Variants in CSMD1 observed in about 807,000 individuals in gnomAD.
The protein encoded by CSMD1 is CUB and Sushi multiple domains 1, also known as CUB and sushi domain-containing protein 1.
A neutral mutation model predicts 417.5 loss-of-function variants in CSMD1; 213 were observed. The ratio of observed to expected loss-of-function variants is 0.51; its 90% CI spans 0.46 to 0.57. The LOEUF (loss-of-function observed/expected upper bound fraction) is 0.57. Among genes scored for constraint, CSMD1 ranks in the 20% least tolerant of loss-of-function variants. CSMD1 has a pLI of 0.00. For synonymous variants in CSMD1, 2,862 were observed against 1,736.8 expected, an observed-to-expected ratio of 1.65 and a Z score of -16.11; for missense variants, 6,923 against 4,529.7, an observed-to-expected ratio of 1.53 and a Z score of -15.17.
At chr8:4,551,004 T>C (rs965417619) in intron 2 of CSMD1, among the ~76,000 whole-genome samples, 1 of 152,190 alleles carries the variant, frequency 6.6e-6, no homozygotes, top group Non-Finnish European at 1.5e-5. Context: ...CCCAAATTAA[T>C]ATCAGGATTT....
intron 1 of CSMD1, among the ~76,000 whole-genome samples, chr8:4,652,600 C>T (rs1425805047): frequency 3.3e-5 from 5 of 151,714 alleles, no homozygotes; most frequent in Admixed American, 6.6e-5. Flanking sequence ...TGCAGTGGGC[C>T]GAGATCAAGC....
chr8:4,630,070 A>G (rs1163022597), intron 2 of CSMD1, among the ~76,000 whole-genome samples: 1 of 152,178 alleles, frequency 6.6e-6, no homozygotes, highest in East Asian at 1.9e-4. Flanking sequence ...GAAGTGAACC[A>G]TCCGTTTTTA....
At chr8:3,942,343 C>T (rs1810939303) in intron 5 of CSMD1, among the ~76,000 whole-genome samples, 1 of 152,140 alleles carries the variant, frequency 6.6e-6, no homozygotes, top group South Asian at 2.1e-4. Flanking sequence ...AAACTGGTGT[C>T]AGGCGCCAAA....
chr8:4,659,910 C>G (rs1322574033), intron 1 of CSMD1, among the ~76,000 whole-genome samples: 4 of 151,794 alleles, frequency 2.6e-5, no homozygotes, highest in African/African-American at 9.7e-5. Flanking sequence ...ATGCATGTGA[C>G]ATAATTCAAC....
intron 3 of CSMD1, among the ~76,000 whole-genome samples, chr8:4,217,408 T>A (rs1013596231): frequency 6.6e-6 from 1 of 152,126 alleles, no homozygotes; most frequent in East Asian, 1.9e-4. Context: ...TCTAATATAG[T>A]TTGACACATT....
intron 25 of CSMD1, among the ~76,000 whole-genome samples, chr8:3,300,952 C>T (rs1291118484): frequency 5.1e-5 from 4 of 78,656 alleles, no homozygotes; most frequent in Non-Finnish European, 8.8e-5. Flanking sequence ...GAGTGAGACT[C>T]TGTCTCAAAA....
intron 1 of CSMD1, among the ~76,000 whole-genome samples, chr8:4,716,727 T>C (rs1024673710): frequency 2.0e-5 from 3 of 152,188 alleles, no homozygotes; most frequent in East Asian, 3.9e-4. Context: ...TTTTGTAGTC[T>C]TGTGAGAATT....
chr8:4,342,086 G>T (rs572470552), intron 3 of CSMD1, among the ~76,000 whole-genome samples: 2 of 152,186 alleles, frequency 1.3e-5, no homozygotes, highest in South Asian at 4.1e-4. Context: ...AGTAGCGCAA[G>T]CCATCTCTAT....
chr8:4,398,832 G>T (rs918861327), intron 3 of CSMD1, among the ~76,000 whole-genome samples: 1 of 152,018 alleles, frequency 6.6e-6, no homozygotes, highest in South Asian at 2.1e-4. Context: ...TTCTTTTCAA[G>T]GTCTTTTTAT....
At chr8:4,780,452 C>G (rs1476305300) in intron 1 of CSMD1, among the ~76,000 whole-genome samples, 1 of 152,186 alleles carries the variant, frequency 6.6e-6, no homozygotes, top group Non-Finnish European at 1.5e-5. Flanking sequence ...TACCTACCTA[C>G]CTATCATCTC....
chr8:3,470,715 A>G (rs1260716126), intron 11 of CSMD1, among the ~76,000 whole-genome samples: 1 of 152,106 alleles, frequency 6.6e-6, no homozygotes, highest in Non-Finnish European at 1.5e-5. Flanking sequence ...CCTGGCAACC[A>G]CTAATCAGTA....
intron 5 of CSMD1, among the ~76,000 whole-genome samples, chr8:3,777,224 T>C (rs1282913803): frequency 1.3e-5 from 2 of 151,984 alleles, no homozygotes; most frequent in African/African-American, 2.4e-5. Flanking sequence ...CCTTCTCCTA[T>C]AGAACATGAG....
intron 23 of CSMD1, among the ~76,000 whole-genome samples, chr8:3,332,436 G>T (rs1047957679): frequency 2.0e-5 from 3 of 152,232 alleles, no homozygotes; most frequent in African/African-American, 7.2e-5. Context: ...GGAGGGGCCT[G>T]GAAGGCCAAC....
intron 9 of CSMD1, among the ~76,000 whole-genome samples, chr8:3,578,920 A>G (rs1800264524): frequency 6.6e-6 from 1 of 152,248 alleles, no homozygotes; most frequent in Non-Finnish European, 1.5e-5. Context: ...GTAAGTTGCC[A>G]TCGTGGATAT....
intron 1 of CSMD1, among the ~76,000 whole-genome samples, chr8:4,751,057 C>T (rs1811293986): frequency 6.6e-6 from 1 of 152,154 alleles, no homozygotes; most frequent in South Asian, 2.1e-4. Context: ...TTCCTCACAC[C>T]AGGTAAAGTT....
At position 3,586,269 on chromosome 8, in the gene CSMD1, T is replaced by C. The variant is rs751768912; in HGVS notation, c.1098-9A>G. On this transcript the variant is annotated splice_polypyrimidine_tract_variant and intron_variant, in intron 8 of 69. Transcript: ENST00000635120. ...GTACATTTGCACCAACCCTAAGCCGTTAAAAAAGAAAAAAAAAAACCCAAA... is the reference window on the plus strand; with the variant it reads ...GTACATTTGCACCAACCCTAAGCCGCTAAAAAAGAAAAAAAAAAACCCAAA... 1 of 1,442,338 alleles carries C rather than the reference T, an allele frequency of 6.9e-7. No homozygotes were observed. The highest frequency in any genetic ancestry group is 9.1e-7 in the Non-Finnish European group (1 of 1,098,538). The allele number at this position is 1,442,338 out of a possible 1,614,324, so 89.3% of individuals were successfully genotyped here.
At chr8:4,136,505 A>C (rs945266924) in intron 3 of CSMD1, among the ~76,000 whole-genome samples, 2 of 152,206 alleles carry the variant, frequency 1.3e-5, no homozygotes, top group African/African-American at 4.8e-5. Flanking sequence ...ATTACTGTCC[A>C]CTACAGCAAT....
At chr8:4,452,023 C>T (rs960255800) in intron 2 of CSMD1, among the ~76,000 whole-genome samples, 4 of 151,302 alleles carry the variant, frequency 2.6e-5, no homozygotes, top group African/African-American at 7.3e-5. Flanking sequence ...CTTTAGGCAG[C>T]CTGCCTTCTC....
intron 17 of CSMD1, among the ~76,000 whole-genome samples, chr8:3,393,129 G>A (rs948235757): frequency 6.6e-6 from 1 of 152,066 alleles, no homozygotes; most frequent in Non-Finnish European, 1.5e-5. Flanking sequence ...ATCCTTCTGA[G>A]GTCCTATTTC....
Sources: allele counts gnomAD v4.1 joint callset (sites outside exome capture counted in the v4.1 genomes callset), GRCh38; gene constraint gnomAD v4.1.1; transcripts MANE v1.5; gene names NCBI Gene and HGNC (gene_info 2026-07-23, HGNC 2026-07-21).